The following MINDY4 variants were observed in gnomAD, a reference collection of about 807,000 sequenced individuals.
The protein encoded by MINDY4 is probable ubiquitin carboxyl-terminal hydrolase MINDY-4.
A neutral mutation model predicts 87.0 loss-of-function variants in MINDY4; 68 were observed. That is an observed-to-expected ratio of 0.78 (90% CI 0.64 to 0.96). The LOEUF is 0.96. Ranked by LOEUF, MINDY4 falls within the 40% of genes least tolerant of loss-of-function variation. MINDY4 has a pLI of 0.00. For synonymous variants in MINDY4, 379 were observed against 363.2 expected (o/e 1.04, Z -0.50); for missense variants, 919 against 928.2 (o/e 0.99, Z 0.13).
At chr7:30,790,178 G>A (rs1055435849) in intron 4 of MINDY4, among the ~76,000 whole-genome samples, 4 of 152,140 alleles carry the variant, frequency 2.6e-5, no homozygotes, top group Non-Finnish European at 5.9e-5. Context: ...TACTACAGGT[G>A]CCTCATCCCT....
At chr7:30,781,805 C>A in intron 2 of MINDY4, 172 bp from the exon 3 acceptor site, 1 of 591,038 alleles carries the variant, frequency 1.7e-6, no homozygotes. Context: ...TGTGTCCGTA[C>A]CCAACATAGT....
rs74376606 is a variant in MINDY4, at chr7:30,822,627, T to TTTTA, written c.1074-6028_1074-6025dup. On this transcript the variant is annotated intron_variant, in intron 5 of 17. Transcript: ENST00000265299. ...TTGTCTTGGTTGACGTGCCTGTCTA[T>TTTTA]TTTATTTATTTATTTATTTATTTAT... is the stretch of plus-strand genomic sequence containing the variant. Among the ~76,000 whole-genome samples, 1,272 of 145,724 alleles carry TTTTA rather than the reference T, an allele frequency of 8.7e-3. 23 individuals are homozygous for TTTTA. Among genetic ancestry groups the TTTTA allele is most frequent in the African/African-American group, 0.028 (1,063 of 37,718 alleles).
At chr7:30,875,785 A>G in intron 15 of MINDY4, 129 bp downstream of exon 15, 1 of 1,026,726 alleles carries the variant, frequency 9.7e-7, no homozygotes, top group Non-Finnish European at 1.4e-6. Flanking sequence ...AGTTAGAATC[A>G]CAGAGGGCTT....
intron 5 of MINDY4, among the ~76,000 whole-genome samples, chr7:30,791,861 A>T (rs1220667263): frequency 6.6e-6 from 1 of 152,200 alleles, no homozygotes; most frequent in African/African-American, 2.4e-5. Flanking sequence ...CGCATAAAAT[A>T]TACTAACAAT....
chr7:30,791,006 C>T (rs930580755), intron 4 of MINDY4, among the ~76,000 whole-genome samples, 159 bp from the exon 5 acceptor site: 2 of 152,172 alleles, frequency 1.3e-5, no homozygotes, highest in African/African-American at 4.8e-5. Context: ...ATTTGAGTAG[C>T]TCCTTAAATA....
chr7:30,824,805 C>A (rs1000674292), intron 5 of MINDY4, among the ~76,000 whole-genome samples: 1 of 152,132 alleles, frequency 6.6e-6, no homozygotes, highest in African/African-American at 2.4e-5. Context: ...AGTGATCATC[C>A]CGCCTCCACC....
At chr7:30,843,676 G>A (rs1789111232) in intron 9 of MINDY4, among the ~76,000 whole-genome samples, 3 of 149,640 alleles carry the variant, frequency 2.0e-5, no homozygotes, top group South Asian at 2.1e-4. Context: ...GAAGGCAAAA[G>A]CCATCCAGGT....
At chr7:30,827,765 A>T (rs1034599724) in intron 5 of MINDY4, among the ~76,000 whole-genome samples, 1 of 152,124 alleles carries the variant, frequency 6.6e-6, no homozygotes, top group African/African-American at 2.4e-5. Context: ...TCTTCCATTC[A>T]CGCCCCTTCA....
At chr7:30,828,835 C>T (rs1020523802) in intron 6 of MINDY4, 98 bp downstream of exon 6, 4 of 1,118,820 alleles carry the variant, frequency 3.6e-6, no homozygotes, top group African/African-American at 3.1e-5. Flanking sequence ...CCCTTTCCTT[C>T]CACCTGACCT....
chr7:30,878,607 G>A (rs1325751204), intron 15 of MINDY4, among the ~76,000 whole-genome samples: 1 of 152,218 alleles, frequency 6.6e-6, no homozygotes, highest in Non-Finnish European at 1.5e-5. Context: ...CCAGGCTGAT[G>A]GTCATGGTGG....
At chr7:30,785,123 C>G (rs1787120947) in intron 3 of MINDY4, among the ~76,000 whole-genome samples, 1 of 150,308 alleles carries the variant, frequency 6.7e-6, no homozygotes, top group African/African-American at 2.5e-5. Flanking sequence ...GTGTGCCCAA[C>G]ACAGTCTCAG....
intron 13 of MINDY4, among the ~76,000 whole-genome samples, chr7:30,871,978 G>A (rs77593618): frequency 0.018 from 2,789 of 152,256 alleles, 97 homozygotes; most frequent in African/African-American, 0.064. Context: ...GTTCTCTAGT[G>A]TAGGCAGAGC....
intron 15 of MINDY4, among the ~76,000 whole-genome samples, chr7:30,881,975 G>A (rs1157430888): frequency 6.6e-6 from 1 of 152,168 alleles, no homozygotes; most frequent in Admixed American, 6.5e-5. Flanking sequence ...GGCCCTGCGA[G>A]CAGCAGCAGG....
chr7:30,872,723 C>T (rs537452599), intron 14 of MINDY4, among the ~76,000 whole-genome samples: 2 of 152,344 alleles, frequency 1.3e-5, no homozygotes, highest in Admixed American at 1.3e-4. Flanking sequence ...TCTTTATAGC[C>T]ACCCTTCCCT....
chr7:30,776,343 T>C (rs1416337804), intron 1 of MINDY4, among the ~76,000 whole-genome samples: 1 of 152,216 alleles, frequency 6.6e-6, no homozygotes, highest in Non-Finnish European at 1.5e-5. Context: ...TGCTGTTCCT[T>C]GCCTGGAACA....
intron 13 of MINDY4, among the ~76,000 whole-genome samples, chr7:30,861,034 C>A (rs1161398596): frequency 6.6e-6 from 1 of 152,164 alleles, no homozygotes; most frequent in Non-Finnish European, 1.5e-5. Flanking sequence ...CGAAAACTCA[C>A]AAAGACATGG....
chr7:30,877,771 A>C (rs1278501286), intron 15 of MINDY4, among the ~76,000 whole-genome samples: 1 of 138,342 alleles, frequency 7.2e-6, no homozygotes, highest in Admixed American at 7.5e-5. Flanking sequence ...TCCTCTGTTC[A>C]AGCAATTCTT....
intron 13 of MINDY4, among the ~76,000 whole-genome samples, chr7:30,860,530 G>A (rs62449120): frequency 0.039 from 5,884 of 152,222 alleles, 189 homozygotes; most frequent in Non-Finnish European, 0.055. Flanking sequence ...TTTCTGGGCT[G>A]ACGGGTTGGG....
chr7:30,794,514 TA>T (rs1787423093), intron 5 of MINDY4, among the ~76,000 whole-genome samples: 1 of 151,962 alleles, frequency 6.6e-6, no homozygotes, highest in Admixed American at 6.6e-5. Flanking sequence ...CAGGTGGGGT[TA>T]GGGGGCAGGT....
Sources: gnomAD v4.1 joint callset for allele counts (sites outside exome capture counted in the v4.1 genomes callset) on GRCh38, gnomAD v4.1.1 for gene constraint, MANE v1.5 for transcripts, NCBI Gene and HGNC (gene_info 2026-07-23, HGNC 2026-07-21) for gene names.